ALDH1A1: variants seen among roughly 807,000 people sequenced by gnomAD.
ALDH1A1 encodes the protein aldehyde dehydrogenase 1A1.
In ALDH1A1, 19 loss-of-function variants were observed where a neutral mutation model predicts 62.1. The observed-to-expected ratio is 0.31, with a 90% CI of 0.21 to 0.45. ALDH1A1 has a LOEUF of 0.45. ALDH1A1 is among the 20% of genes least tolerant of loss of function. The probability of loss-of-function intolerance (pLI) is 1.00; values close to 1 mark genes in which losing one functional copy is unlikely to be tolerated. For synonymous variants in ALDH1A1, 231 were observed against 215.9 expected, an observed-to-expected ratio of 1.07 and a Z score of -0.61; for missense variants, 521 against 607.1, an observed-to-expected ratio of 0.86 and a Z score of 1.49.
intron 12 of ALDH1A1, 53 bp downstream of exon 12, chr9:72,905,905 G>T: frequency 7.0e-7 from 1 of 1,426,166 alleles, no homozygotes; most frequent in Non-Finnish European, 9.6e-7. Context: ...CCCTGGGAAT[G>T]AAAATCATTT....
intron 9 of ALDH1A1, among the ~76,000 whole-genome samples, chr9:72,914,175 C>A (rs1418114918): frequency 6.6e-6 from 1 of 152,074 alleles, no homozygotes; most frequent in Non-Finnish European, 1.5e-5. Flanking sequence ...TTCTTTGATT[C>A]CTTAGGCTTA....
chr9:72,911,709 G>A (rs1250079461), intron 10 of ALDH1A1, among the ~76,000 whole-genome samples: 2 of 152,176 alleles, frequency 1.3e-5, no homozygotes, highest in Non-Finnish European at 2.9e-5. Context: ...AGCTGTGAAG[G>A]CAGCACCTGA....
intron 9 of ALDH1A1, among the ~76,000 whole-genome samples, chr9:72,915,346 G>A (rs1001683463): frequency 6.6e-6 from 1 of 152,068 alleles, no homozygotes; most frequent in African/African-American, 2.4e-5. Flanking sequence ...TAGGCATTAG[G>A]TATCTTAGGT....
chr9:72,933,365 A>G (rs1830307671), intron 2 of ALDH1A1, among the ~76,000 whole-genome samples: 1 of 152,200 alleles, frequency 6.6e-6, no homozygotes, highest in Admixed American at 6.5e-5. Context: ...CCAAAACATT[A>G]TTATAAACCA....
chr9:72,936,017 G>A (rs955521880), intron 2 of ALDH1A1, among the ~76,000 whole-genome samples: 9 of 152,078 alleles, frequency 5.9e-5, no homozygotes, highest in African/African-American at 2.2e-4. Context: ...GTTCAAACTG[G>A]TTTACCATGA....
intron 12 of ALDH1A1, among the ~76,000 whole-genome samples, chr9:72,903,200 T>G (rs929475428): frequency 6.6e-6 from 1 of 152,066 alleles, no homozygotes; most frequent in Non-Finnish European, 1.5e-5. Flanking sequence ...TAAGAGCCAA[T>G]CAAGTTTAAA....
At chr9:72,901,801 G>T (rs923333640) in intron 12 of ALDH1A1, among the ~76,000 whole-genome samples, 58 of 152,040 alleles carry the variant, frequency 3.8e-4, no homozygotes, top group Admixed American at 1.2e-3. Flanking sequence ...TATTTACCAT[G>T]TGTGATTGTC....
intron 2 of ALDH1A1, among the ~76,000 whole-genome samples, chr9:72,932,882 T>C (rs1830300844): frequency 6.6e-6 from 1 of 152,214 alleles, no homozygotes; most frequent in South Asian, 2.1e-4. Context: ...CATTTGGATC[T>C]TTCTGTTCAG....
intron 7 of ALDH1A1, among the ~76,000 whole-genome samples, chr9:72,923,156 C>G (rs8187942): frequency 0.016 from 2,509 of 152,248 alleles, 71 homozygotes; most frequent in African/African-American, 0.056. Context: ...ATTTGGACAT[C>G]ATCATTCCTT....
At chr9:72,938,076 C>T (rs999885076) in intron 2 of ALDH1A1, among the ~76,000 whole-genome samples, 2 of 151,998 alleles carry the variant, frequency 1.3e-5, no homozygotes, top group Non-Finnish European at 2.9e-5. Flanking sequence ...TGGCCCAGTA[C>T]GTTGAGATTT....
intron 5 of ALDH1A1, 79 bp downstream of exon 5, chr9:72,927,037 T>C: frequency 9.5e-7 from 1 of 1,053,834 alleles, no homozygotes; most frequent in East Asian, 2.4e-5. Flanking sequence ...CATCCATCTG[T>C]TTTAGAGAAA....
At position 72,911,910 on chromosome 9, in the gene ALDH1A1, A is replaced by G. The variant is rs751612395; in HGVS notation, c.1200+48T>C. The G allele has an allele frequency of 2.5e-6, 4 of 1,606,296 alleles. No individual in the cohort carries two copies. In the South Asian group the frequency reaches 4.4e-5, roughly 18 times the overall value. ...AGTGACACTTTGTATACACACAAAC[A>G]GACAAAACATGGCAACAAAAAGAAC... On this transcript the variant is annotated intron_variant, in intron 10 of 12. Transcript: ENST00000297785.
At chr9:72,930,856 C>G in intron 3 of ALDH1A1, 23 bp downstream of exon 3, 1 of 1,613,448 alleles carries the variant, frequency 6.2e-7, no homozygotes. Flanking sequence ...TCTAGCTACC[C>G]ATCCAGCTTG....
rs2118546150 is a variant in ALDH1A1 at position 72,931,005 on chromosome 9, C to T, written c.186G>A (p.Lys62=). 1 of 1,614,020 alleles carries T rather than the reference C, an allele frequency of 6.2e-7. No homozygotes were observed. The highest frequency in any genetic ancestry group is 8.5e-7 in the Non-Finnish European group (1 of 1,179,936). The part of the protein sequence containing the change: ...VEEGDKEDVD[K]AVKAARQAFQ... ...AAGCCTGTCTTGCGGCCTTCACTGC[C>T]TTGTCAACATCCTCCTGTAAGTCAA... The change falls in exon 3 of 13, where the codon AAG becomes AAA. Residue 62 remains lysine (K), a synonymous_variant. Coordinates refer to ENST00000297785, the MANE Select transcript of ALDH1A1 (RefSeq NM_000689.5).
chr9:72,939,101 G>T (rs558467551), intron 2 of ALDH1A1, among the ~76,000 whole-genome samples: 1 of 152,118 alleles, frequency 6.6e-6, no homozygotes, highest in Non-Finnish European at 1.5e-5. Flanking sequence ...CTAGGCACAG[G>T]TTATAGTGTC....
chr9:72,930,487 C>T (rs1830267385), intron 3 of ALDH1A1, among the ~76,000 whole-genome samples: 1 of 152,044 alleles, frequency 6.6e-6, no homozygotes, highest in African/African-American at 2.4e-5. Flanking sequence ...CCTTAACAAA[C>T]TTGAGTTTTT....
chr9:72,905,552 T>C (rs1008329392), intron 12 of ALDH1A1, among the ~76,000 whole-genome samples: 2 of 152,182 alleles, frequency 1.3e-5, no homozygotes, highest in East Asian at 1.9e-4. Flanking sequence ...CCTAATTTAC[T>C]TATTTAAATG....
At chr9:72,947,901 G>A (rs1438346183) in intron 1 of ALDH1A1, among the ~76,000 whole-genome samples, 2 of 151,880 alleles carry the variant, frequency 1.3e-5, no homozygotes, top group Non-Finnish European at 1.5e-5. Flanking sequence ...GTTTTGAGCT[G>A]TGATAAGCAA....
chr9:72,936,945 A>G (rs1041351540), intron 2 of ALDH1A1, among the ~76,000 whole-genome samples: 2 of 152,190 alleles, frequency 1.3e-5, no homozygotes, highest in Non-Finnish European at 2.9e-5. Flanking sequence ...CAAAGAATTG[A>G]TAAAAAATGA....
Sources: allele counts gnomAD v4.1 joint callset (sites outside exome capture counted in the v4.1 genomes callset), GRCh38; gene constraint gnomAD v4.1.1; transcripts MANE v1.5; gene names NCBI Gene and HGNC (gene_info 2026-07-23, HGNC 2026-07-21).